PARP8: variants seen among roughly 807,000 people sequenced by gnomAD.
PARP8 encodes the protein poly(ADP-ribose) polymerase family member 8.
A neutral mutation model predicts 124.1 loss-of-function variants in PARP8; 51 were observed. The ratio of observed to expected loss-of-function variants is 0.41; its 90% confidence interval spans 0.33 to 0.52. The LOEUF is 0.52. Among genes scored for constraint, PARP8 ranks in the 20% least tolerant of loss-of-function variants. The pLI, the probability that PARP8 is intolerant of heterozygous loss-of-function variation, is 0.21. For synonymous variants in PARP8, 391 were observed against 361.5 expected, an observed-to-expected ratio of 1.08 and a Z score of -0.93; for missense variants, 860 against 1,018.9, an observed-to-expected ratio of 0.84 and a Z score of 2.12.
intron 9 of PARP8, among the ~76,000 whole-genome samples, chr5:50,782,737 C>T (rs1740809114): frequency 6.6e-6 from 1 of 151,964 alleles, no homozygotes. Context: ...TGCCTGGGAC[C>T]ACTCCTAATA....
chr5:50,813,680 AG>A (rs1744748826), intron 14 of PARP8, among the ~76,000 whole-genome samples: 1 of 152,184 alleles, frequency 6.6e-6, no homozygotes, highest in African/African-American at 2.4e-5. Context: ...CAGTTTTCAA[AG>A]GGAATGCTTC....
At chr5:50,687,028 C>T (rs1751947155) in intron 2 of PARP8, among the ~76,000 whole-genome samples, 1 of 152,186 alleles carries the variant, frequency 6.6e-6, no homozygotes. Context: ...CAAATTTCTG[C>T]AGCCAGCTTG....
intron 7 of PARP8, among the ~76,000 whole-genome samples, chr5:50,767,874 A>G (rs1029653406): frequency 2.0e-5 from 3 of 152,236 alleles, no homozygotes; most frequent in Admixed American, 6.5e-5. Flanking sequence ...AGGTGTATGT[A>G]TCTTCACAAA....
chr5:50,696,716 G>A (rs1484542849), intron 2 of PARP8, among the ~76,000 whole-genome samples: 2 of 151,816 alleles, frequency 1.3e-5, no homozygotes, highest in African/African-American at 4.8e-5. Context: ...TTTGTTTCAC[G>A]CCATCCCTAA....
At chr5:50,783,290 G>A (rs1271726010) in intron 9 of PARP8, among the ~76,000 whole-genome samples, 8 of 152,054 alleles carry the variant, frequency 5.3e-5, no homozygotes, top group Admixed American at 1.3e-4. Context: ...TCCAACCAGC[G>A]CTTCCATTAG....
chr5:50,774,456 G>A (rs1057292751), intron 7 of PARP8, among the ~76,000 whole-genome samples: 20 of 151,566 alleles, frequency 1.3e-4, no homozygotes, highest in Admixed American at 9.8e-4. Flanking sequence ...CAAGGCGGCC[G>A]GGCAGAGGCG....
At chr5:50,806,925 G>A (rs999984428) in intron 14 of PARP8, among the ~76,000 whole-genome samples, 24 of 152,158 alleles carry the variant, frequency 1.6e-4, no homozygotes, top group African/African-American at 5.3e-4. Context: ...ATTACAGTCT[G>A]TAGTAAGTCT....
chr5:50,758,382 G>T (rs986111722), intron 3 of PARP8, among the ~76,000 whole-genome samples: 1 of 152,058 alleles, frequency 6.6e-6, no homozygotes, highest in Non-Finnish European at 1.5e-5. Context: ...TAAAGCCTTA[G>T]GTCTGTTGAG....
intron 25 of PARP8, among the ~76,000 whole-genome samples, chr5:50,838,529 A>G (rs1747832067): frequency 1.3e-5 from 2 of 152,024 alleles, no homozygotes; most frequent in Admixed American, 6.6e-5. Context: ...TATTATCCCC[A>G]TTTAGAGTTA....
At chr5:50,781,385 T>A (rs1446148085) in intron 9 of PARP8, among the ~76,000 whole-genome samples, 1 of 152,228 alleles carries the variant, frequency 6.6e-6, no homozygotes, top group Non-Finnish European at 1.5e-5. Flanking sequence ...TTTTGTTTTC[T>A]TCAATATTAT....
chr5:50,793,272 G>C (rs1345901982), intron 10 of PARP8, among the ~76,000 whole-genome samples: 1 of 152,134 alleles, frequency 6.6e-6, no homozygotes, highest in Non-Finnish European at 1.5e-5. Context: ...AGACAATCCT[G>C]AAGTTATTTT....
intron 15 of PARP8, among the ~76,000 whole-genome samples, chr5:50,818,178 C>T (rs866923328): frequency 2.1e-4 from 24 of 114,904 alleles, no homozygotes; most frequent in Admixed American, 1.7e-3. Flanking sequence ...ATCATTTAGC[C>T]CCCCCCCCCC....
chr5:50,670,690 G>A (rs1749909210), intron 2 of PARP8, among the ~76,000 whole-genome samples: 1 of 152,118 alleles, frequency 6.6e-6, no homozygotes, highest in South Asian at 2.1e-4. Flanking sequence ...GCAAACTGAG[G>A]CTCAGAGAGT....
chr5:50,718,185 A>G (rs1250976880), intron 2 of PARP8, among the ~76,000 whole-genome samples: 15 of 152,066 alleles, frequency 9.9e-5, no homozygotes, highest in Non-Finnish European at 4.4e-5. Context: ...AGGTGAGAAT[A>G]TAATCATCAA....
chr5:50,795,499 A>G lies in PARP8; in HGVS notation c.1428+82A>G, dbSNP rs1742440127. 7.8e-6 allele frequency: 9 copies of G among 1,151,276 alleles called. No homozygotes were observed. The Middle Eastern group carries it at 8.3e-4, about 106-fold the overall frequency. 71.3% of individuals were successfully genotyped at this position (1,151,276 alleles called of 1,614,324 possible). ...TTTTTTTTCTTATAAGATCTGGTGG[A>G]GAAAAGAAGCAAAACTTTGTTTTAA... On this transcript the variant is annotated intron_variant, in intron 12 of 25. Transcript: ENST00000281631.
intron 10 of PARP8, among the ~76,000 whole-genome samples, chr5:50,792,130 A>T (rs551330310): frequency 1.4e-4 from 22 of 152,110 alleles, no homozygotes; most frequent in South Asian, 4.2e-4. Flanking sequence ...TTACCTTGAA[A>T]TTTTTTTCTT....
At chr5:50,723,537 G>A (rs1474953926) in intron 2 of PARP8, among the ~76,000 whole-genome samples, 1 of 151,894 alleles carries the variant, frequency 6.6e-6, no homozygotes, top group Non-Finnish European at 1.5e-5. Context: ...TTTCATTTAG[G>A]TAGGTTTGGT....
At chr5:50,695,073 C>G (rs1391875669) in intron 2 of PARP8, among the ~76,000 whole-genome samples, 1 of 152,186 alleles carries the variant, frequency 6.6e-6, no homozygotes, top group Non-Finnish European at 1.5e-5. Flanking sequence ...TCCCAGTCCA[C>G]TGACTCAAAT....
In PARP8 at chr5:50,667,883, C is replaced by T. The variant is rs531758572; in HGVS notation, c.92-188C>T. The stretch of plus-strand genomic sequence containing the variant: ...GCACTTGTTGCGGGGGGCGGCCTCC[C>T]GCTGCACCCAGTCGGGGGCGCGCCG... On this transcript the variant is annotated intron_variant, in intron 1 of 25. Coordinates refer to ENST00000281631, the MANE Select transcript of PARP8 (RefSeq NM_024615.4). 2.2e-5 allele frequency: 33 copies of T among 1,493,012 alleles called. No individual in the cohort carries two copies. The South Asian group carries it at 3.5e-4, about 16-fold the overall frequency. The allele number at this position is 1,493,012 out of a possible 1,614,324, so 92.5% of individuals were successfully genotyped here.
Sources: gnomAD v4.1 joint callset for allele counts (sites outside exome capture counted in the v4.1 genomes callset) on GRCh38, gnomAD v4.1.1 for gene constraint, MANE v1.5 for transcripts, NCBI Gene and HGNC (gene_info 2026-07-23, HGNC 2026-07-21) for gene names.